TRPA1: variants seen among roughly 807,000 people sequenced by gnomAD.
TRPA1 encodes ankyrin-like with transmembrane domains 1.
In TRPA1, 129 loss-of-function variants were observed where a neutral mutation model predicts 131.3. The observed-to-expected ratio is 0.98, with a 90% CI of 0.85 to 1.14. The LOEUF is 1.14. Ranked by LOEUF, TRPA1 falls within the 50% of genes most tolerant of loss-of-function variation. The pLI is 0.00. For missense variants in TRPA1, 1,304 were observed against 1,354.2 expected (o/e 0.96, Z 0.58); for synonymous variants, 441 against 451.7 (o/e 0.98, Z 0.30).
chr8:72,084,867 G>T, the TRPA1 span, among the ~76,000 whole-genome samples: 1 of 151,882 alleles, frequency 6.6e-6, no homozygotes, highest in Non-Finnish European at 1.5e-5. Context: ...GGCCAGGCTG[G>T]TCTCGAACTC....
the TRPA1 span, among the ~76,000 whole-genome samples, chr8:72,085,969 T>C: frequency 6.6e-6 from 1 of 152,116 alleles, no homozygotes; most frequent in Non-Finnish European, 1.5e-5. Flanking sequence ...GGTGTGATCT[T>C]GGCTCACCGC....
chr8:72,043,607 T>C (rs1008177759), intron 17 of TRPA1, among the ~76,000 whole-genome samples: 15 of 151,862 alleles, frequency 9.9e-5, no homozygotes, highest in African/African-American at 3.4e-4. Context: ...CATTATCCTT[T>C]CAATTTTCTC....
At chr8:72,051,513 T>C (rs1805507475) in intron 14 of TRPA1, among the ~76,000 whole-genome samples, 1 of 152,136 alleles carries the variant, frequency 6.6e-6, no homozygotes, top group African/African-American at 2.4e-5. Context: ...TTAAACTCTA[T>C]CAGTAAAACC....
At chr8:72,083,986 A>C in the TRPA1 span, among the ~76,000 whole-genome samples, 2 of 152,210 alleles carry the variant, frequency 1.3e-5, no homozygotes, top group African/African-American at 4.8e-5. Context: ...GTACTAGTTA[A>C]AAAAGCTGAA....
rs2129435571 is a variant in TRPA1, at chr8:72,055,715, A to G, written c.1335T>C (p.Asp445=). Residue 445 remains aspartate, a synonymous_variant, in exon 11 of 27, where the codon GAT becomes GAC. Transcript: ENST00000262209. ...FNVSIHSKSK[D]KKSPLHFAAS... The stretch of plus-strand genomic sequence containing the variant: ...CTGCAAAATGCAGAGGTGATTTCTT[A>G]TCTTTGCTTTTGGAATGAATGGACA... 2 of 1,613,644 alleles carry G rather than the reference A, an allele frequency of 1.2e-6. No homozygotes were observed. The highest frequency in any genetic ancestry group is 4.5e-5 in the East Asian group (2 of 44,874).
In TRPA1 at chr8:72,057,578, T is replaced by C. The variant is rs1021374383; in HGVS notation, c.1093+139A>G. The C allele has an allele frequency of 2.2e-5, 16 of 737,528 alleles. 1 individual carries two copies. The African/African-American group carries it at 2.4e-4, about 11-fold the overall frequency. The allele number at this position is 737,528 out of a possible 1,614,324, so 45.7% of individuals were successfully genotyped here. A position where few individuals can be genotyped will look rare whatever the true frequency, so the allele number is the denominator to read the frequency against. ...ACATGAAAACTGTTCTGTTTATTTT[T>C]AAATTCACAACACCTGGCCCAGGGC... is the stretch of plus-strand genomic sequence containing the variant. On this transcript the variant is annotated intron_variant, in intron 9 of 26. Coordinates refer to ENST00000262209, the MANE Select transcript of TRPA1 (RefSeq NM_007332.3).
chr8:72,023,047 C>T lies in TRPA1; in HGVS notation c.3219G>A (p.Glu1073=), dbSNP rs1811454128. 6.2e-7 allele frequency: 1 copy of T among 1,613,770 alleles called. No individual in the cohort carries two copies. ...ELIKLIIQKM[E]IISETEDDDS... is the part of the protein sequence containing the mutation. ...CATCATCCTCTGTCTCAGAGATGAT[C>T]TCCATCTTCTGAATGATCAGTTTAA... Residue 1073 remains glutamate (E), a synonymous_variant, in exon 27 of 27, where the codon GAG becomes GAA. Coordinates refer to ENST00000262209, the MANE Select transcript of TRPA1 (RefSeq NM_007332.3).
chr8:72,068,859 T>A (rs930709108), intron 3 of TRPA1, among the ~76,000 whole-genome samples, 164 bp downstream of exon 3: 3 of 152,222 alleles, frequency 2.0e-5, no homozygotes, highest in Admixed American at 6.5e-5. Flanking sequence ...CTAATCATCA[T>A]CATCATCATT....
rs554684932 is a variant in TRPA1, at chr8:72,060,662, C to T, written c.944+963G>A. 7.3e-5 allele frequency among the ~76,000 whole-genome samples: 11 copies of T among 151,704 alleles called. No homozygotes were observed. In the South Asian group the frequency reaches 8.3e-4, roughly 11 times the overall value. ...TATTTTAAAATTCTTTTTGGAATGC[C>T]CTATTATTTCTATTTTCTTGGAAGT... On this transcript the variant is annotated intron_variant, in intron 7 of 26. Transcript: ENST00000262209.
intron 24 of TRPA1, 138 bp downstream of exon 24, chr8:72,029,763 T>C: frequency 1.1e-6 from 1 of 886,368 alleles, no homozygotes; most frequent in Non-Finnish European, 1.8e-6. Flanking sequence ...AAATGGCACA[T>C]ACTTTACAGT....
At chr8:72,083,894 T>G in the TRPA1 span, among the ~76,000 whole-genome samples, 1 of 152,314 alleles carries the variant, frequency 6.6e-6, no homozygotes, top group Non-Finnish European at 1.5e-5. Flanking sequence ...TCCTGAATTC[T>G]TAGGGTCATT....
At position 72,026,122 on chromosome 8, in the gene TRPA1, A is replaced by C. The variant is rs2305018; in HGVS notation, c.2938-49T>G. 344,324 of 1,411,966 alleles carry C rather than the reference A, an allele frequency of 0.24. 43,613 individuals are homozygous for C. The highest frequency in any genetic ancestry group is 0.36 in the East Asian group (15,594 of 43,782). The allele number at this position is 1,411,966 out of a possible 1,614,324, so 87.5% of individuals were successfully genotyped here. On this transcript the variant is annotated intron_variant, in intron 24 of 26. Coordinates refer to ENST00000262209, the MANE Select transcript of TRPA1 (RefSeq NM_007332.3). Reference sequence around the variant, plus strand: ...GATAGAATCATTAGTTAGTATATGGAATTTTTATATGGCACAGAGGCAATC... The same window carrying C: ...GATAGAATCATTAGTTAGTATATGGCATTTTTATATGGCACAGAGGCAATC...
At chr8:72,066,693 G>A (rs1028952699) in intron 3 of TRPA1, among the ~76,000 whole-genome samples, 2 of 148,456 alleles carry the variant, frequency 1.3e-5, no homozygotes, top group African/African-American at 5.0e-5. Context: ...ATCGCATTCT[G>A]TTCTTAAGAA....
At chr8:72,066,015 A>G (rs1170684743) in intron 3 of TRPA1, among the ~76,000 whole-genome samples, 1 of 151,690 alleles carries the variant, frequency 6.6e-6, no homozygotes, top group Non-Finnish European at 1.5e-5. Context: ...GCAGGAAGGG[A>G]TTTTTTTTCT....
chr8:72,023,461 C>T (rs948704527), intron 26 of TRPA1: 1 of 448,588 alleles, frequency 2.2e-6, no homozygotes. Context: ...AACCCTCATG[C>T]TTAATGACTG....
chr8:72,068,043 C>T (rs188798454), intron 3 of TRPA1, among the ~76,000 whole-genome samples: 7 of 152,254 alleles, frequency 4.6e-5, no homozygotes, highest in South Asian at 2.1e-4. Flanking sequence ...TCCAATATCA[C>T]GTGTTAAGGA....
chr8:72,068,537 T>C (rs1805982839), intron 3 of TRPA1, among the ~76,000 whole-genome samples: 1 of 152,238 alleles, frequency 6.6e-6, no homozygotes, highest in Non-Finnish European at 1.5e-5. Flanking sequence ...TAATTATGTT[T>C]TCTGTTTTCA....
intron 12 of TRPA1, chr8:72,054,683 A>G (rs887888214): frequency 2.0e-5 from 3 of 152,266 alleles, no homozygotes; most frequent in Non-Finnish European, 4.4e-5. Flanking sequence ...ACCAGAAAAA[A>G]CTGAGCAAAA....
At chr8:72,030,320 C>T (rs1563381807) in intron 23 of TRPA1, among the ~76,000 whole-genome samples, 1 of 152,122 alleles carries the variant, frequency 6.6e-6, no homozygotes, top group Non-Finnish European at 1.5e-5. Flanking sequence ...CCCAAAGGCC[C>T]CACCTTCTAA....
Sources: gnomAD v4.1 joint callset for allele counts (sites outside exome capture counted in the v4.1 genomes callset) on GRCh38, gnomAD v4.1.1 for gene constraint, MANE v1.5 for transcripts, NCBI Gene and HGNC (gene_info 2026-07-23, HGNC 2026-07-21) for gene names.